The following TULP4 variants were observed in gnomAD, a reference collection of about 807,000 sequenced individuals.
TULP4 encodes TUB like protein 4.
A neutral mutation model predicts 129.0 loss-of-function variants in TULP4; 16 were observed. The observed-to-expected ratio is 0.12, with a 90% confidence interval of 0.08 to 0.19. TULP4 has a LOEUF of 0.19. Among genes scored for constraint, TULP4 ranks in the 10% least tolerant of loss-of-function variants. The probability of loss-of-function intolerance (pLI) is 1.00; values close to 1 mark genes in which losing one functional copy is unlikely to be tolerated. For missense variants in TULP4, 1,842 were observed against 2,059.1 expected (o/e 0.89, Z 2.04); for synonymous variants, 998 against 854.0 (o/e 1.17, Z -2.94).
chr6:158,381,289 C>G (rs827979), intron 1 of TULP4, among the ~76,000 whole-genome samples: 101,538 of 151,798 alleles, frequency 0.67, 34,452 homozygotes, highest in Middle Eastern at 0.74. Context: ...CTTGAATTCT[C>G]AGTATTTTGG....
intron 1 of TULP4, among the ~76,000 whole-genome samples, chr6:158,319,482 C>G (rs935427394): frequency 6.6e-6 from 1 of 152,146 alleles, no homozygotes; most frequent in Non-Finnish European, 1.5e-5. Flanking sequence ...ACCGGCCATC[C>G]CTTAAGAACA....
At chr6:158,456,550 C>T (rs1779295895) in intron 5 of TULP4, among the ~76,000 whole-genome samples, 1 of 152,068 alleles carries the variant, frequency 6.6e-6, no homozygotes, top group Non-Finnish European at 1.5e-5. Context: ...TCAAAATGCT[C>T]AGGCCGGGCA....
intron 1 of TULP4, among the ~76,000 whole-genome samples, chr6:158,382,204 A>G (rs1354138672): frequency 6.6e-6 from 1 of 152,124 alleles, no homozygotes; most frequent in Non-Finnish European, 1.5e-5. Context: ...ACTGCATCTG[A>G]CTGACCGACT....
At chr6:158,286,586 TAG>T (rs1778839509) in intron 1 of TULP4, among the ~76,000 whole-genome samples, 1 of 152,234 alleles carries the variant, frequency 6.6e-6, no homozygotes, top group African/African-American at 2.4e-5. Context: ...CTTGTATTCC[TAG>T]TAAATTTCAG....
At chr6:158,361,612 T>C (rs1325646120) in intron 1 of TULP4, among the ~76,000 whole-genome samples, 1 of 152,222 alleles carries the variant, frequency 6.6e-6, no homozygotes, top group Non-Finnish European at 1.5e-5. Flanking sequence ...TTTAATTACT[T>C]TTCAATTTTT....
chr6:158,232,687 A>C (rs1302452080), intron 1 of TULP4, among the ~76,000 whole-genome samples: 1 of 152,040 alleles, frequency 6.6e-6, no homozygotes, highest in East Asian at 1.9e-4. Context: ...TTGTGGAGAC[A>C]GAAAATCCCT....
At chr6:158,440,192 C>T (rs771101350) in intron 3 of TULP4, among the ~76,000 whole-genome samples, 4 of 151,584 alleles carry the variant, frequency 2.6e-5, no homozygotes, top group South Asian at 4.2e-4. Context: ...TGGGGGCACA[C>T]ATATAGTCTC....
intron 1 of TULP4, chr6:158,237,668 AT>A: frequency 2.5e-6 from 3 of 1,221,150 alleles, no homozygotes; most frequent in Non-Finnish European, 3.6e-6. Flanking sequence ...TTCTTAGGCA[AT>A]TTTCCCTTCT....
In TULP4 at chr6:158,339,816, A is replaced by G. The variant is rs1036212731; in HGVS notation, c.252+25548A>G. On this transcript the variant is annotated intron_variant, in intron 1 of 13. Coordinates refer to ENST00000367097, the MANE Select transcript of TULP4 (RefSeq NM_020245.5). The stretch of plus-strand genomic sequence containing the variant: ...CACATGCTCTACAAACAATTTGTGC[A>G]GTTAACACAATCATCACAGGGCCCT... 2.0e-5 allele frequency among the ~76,000 whole-genome samples: 3 copies of G among 152,222 alleles called. No individual in the cohort carries two copies. The South Asian group carries it at 6.2e-4, about 31-fold the overall frequency.
chr6:158,400,109 G>A (rs1777806677), intron 1 of TULP4, among the ~76,000 whole-genome samples: 1 of 152,160 alleles, frequency 6.6e-6, no homozygotes, highest in East Asian at 1.9e-4. Context: ...AATTAACTGT[G>A]TGATCAGTTT....
intron 1 of TULP4, among the ~76,000 whole-genome samples, chr6:158,361,455 A>G (rs1445368254): frequency 6.6e-6 from 1 of 152,206 alleles, no homozygotes; most frequent in Non-Finnish European, 1.5e-5. Flanking sequence ...AGGGTCCCTG[A>G]AAGAGAATCT....
chr6:158,450,422 G>A (rs1779140288), intron 4 of TULP4, among the ~76,000 whole-genome samples: 1 of 152,154 alleles, frequency 6.6e-6, no homozygotes, highest in Non-Finnish European at 1.5e-5. Flanking sequence ...ATGCTTCCCA[G>A]CAGCAGACAC....
At chr6:158,397,914 T>A (rs1281027246) in intron 1 of TULP4, 1 of 152,192 alleles carries the variant, frequency 6.6e-6, no homozygotes, top group Non-Finnish European at 1.5e-5. Context: ...GAGTTACAGG[T>A]GAGCTGGGCC....
chr6:158,295,878 G>A (rs1373666993), intron 1 of TULP4, among the ~76,000 whole-genome samples: 1 of 152,066 alleles, frequency 6.6e-6, no homozygotes, highest in Non-Finnish European at 1.5e-5. Flanking sequence ...GCAACAGAAT[G>A]AGACTCCGTC....
At chr6:158,363,062 CAAAAAAAAAAA>C (rs11373437) in intron 1 of TULP4, among the ~76,000 whole-genome samples, 4 of 88,000 alleles carry the variant, frequency 4.5e-5, no homozygotes, top group Admixed American at 1.4e-4. Flanking sequence ...GACTCCATCT[CAAAAAAAAAAA>C]AAAAAAAAAA....
intron 1 of TULP4, among the ~76,000 whole-genome samples, chr6:158,296,896 A>G (rs986722460): frequency 3.3e-5 from 5 of 152,208 alleles, no homozygotes; most frequent in African/African-American, 1.2e-4. Flanking sequence ...TTCTGAGGAA[A>G]CAGGACAAGG....
At chr6:158,481,540 G>A in intron 8 of TULP4, 1 of 547,396 alleles carries the variant, frequency 1.8e-6, no homozygotes, top group East Asian at 3.1e-5. Context: ...GATGAACCAG[G>A]CAAGGGGAAG....
chr6:158,300,947 C>T (rs1449491130), intron 1 of TULP4, among the ~76,000 whole-genome samples: 1 of 152,174 alleles, frequency 6.6e-6, no homozygotes, highest in Admixed American at 6.5e-5. Context: ...TCCTGAGCTT[C>T]TCGGATTGCA....
chr6:158,405,747 T>C (rs1202891753), intron 1 of TULP4, among the ~76,000 whole-genome samples: 3 of 152,110 alleles, frequency 2.0e-5, no homozygotes, highest in Non-Finnish European at 4.4e-5. Flanking sequence ...AGCTTGGCGT[T>C]CCAAAGGCCA....
Sources: gnomAD v4.1 joint callset for allele counts (sites outside exome capture counted in the v4.1 genomes callset) on GRCh38, gnomAD v4.1.1 for gene constraint, MANE v1.5 for transcripts, NCBI Gene and HGNC (gene_info 2026-07-23, HGNC 2026-07-21) for gene names.